Variants in CADM2 observed in about 807,000 individuals in gnomAD.
CADM2 encodes the protein immunoglobulin superfamily member 4D.
A neutral mutation model predicts 49.8 loss-of-function variants in CADM2; 12 were observed. That is an observed-to-expected ratio of 0.24 (90% CI 0.15 to 0.39). CADM2 has a LOEUF of 0.39. Among genes scored for constraint, CADM2 ranks in the 10% least tolerant of loss-of-function variants. CADM2 has a pLI of 1.00. For synonymous variants in CADM2, 214 were observed against 175.4 expected (o/e 1.22, Z -1.74); for missense variants, 378 against 492.3 (o/e 0.77, Z 2.20).
At chr3:85,171,240 A>G (rs530162743) in intron 1 of CADM2, among the ~76,000 whole-genome samples, 4 of 152,274 alleles carry the variant, frequency 2.6e-5, no homozygotes, top group Admixed American at 6.5e-5. Flanking sequence ...GGTGAGTTAC[A>G]CTCTAGATTT....
rs1037147981 is a variant in CADM2, at chr3:85,265,806, T to G, written c.61+306138T>G. Among the ~76,000 whole-genome samples, 8 of 152,118 alleles carry G rather than the reference T, an allele frequency of 5.3e-5. No homozygotes were observed. In the East Asian group the frequency reaches 1.5e-3, roughly 29 times the overall value. Reference sequence around the variant, plus strand: ...GTAATATGTAGAACACTTTAAAACTTTAAATGGGAAAAGTAATTCCTATTC... The same window carrying G: ...GTAATATGTAGAACACTTTAAAACTGTAAATGGGAAAAGTAATTCCTATTC... On this transcript the variant is annotated intron_variant, in intron 1 of 9. Coordinates refer to ENST00000383699, the MANE Select transcript of CADM2 (RefSeq NM_001167675.2).
chr3:85,288,784 G>GCTC (rs1188958298), intron 1 of CADM2, among the ~76,000 whole-genome samples: 1 of 88,200 alleles, frequency 1.1e-5, no homozygotes, highest in Non-Finnish European at 2.6e-5. Context: ...TTACCAATAT[G>GCTC]CCCCCCCCCC....
chr3:85,989,874 A>T (rs1728544934), intron 8 of CADM2, among the ~76,000 whole-genome samples: 1 of 151,484 alleles, frequency 6.6e-6, no homozygotes, highest in Non-Finnish European at 1.5e-5. Context: ...TTAACTGGGC[A>T]TGGTGGTGGG....
At chr3:85,112,302 G>A (rs148421823) in intron 1 of CADM2, among the ~76,000 whole-genome samples, 8 of 151,432 alleles carry the variant, frequency 5.3e-5, no homozygotes, top group African/African-American at 1.7e-4. Context: ...TGGTATATTT[G>A]TGAATAAAAT....
chr3:85,780,561 T>G (rs966362332), intron 2 of CADM2, among the ~76,000 whole-genome samples: 1 of 152,230 alleles, frequency 6.6e-6, no homozygotes, highest in Non-Finnish European at 1.5e-5. Flanking sequence ...ACGCTTAGTA[T>G]CTTCATTTGA....
chr3:85,665,283 T>C (rs907949871), intron 1 of CADM2, among the ~76,000 whole-genome samples: 3 of 151,942 alleles, frequency 2.0e-5, no homozygotes, highest in Non-Finnish European at 2.9e-5. Flanking sequence ...TTTATATTTA[T>C]GTAAGACGAA....
intron 7 of CADM2, among the ~76,000 whole-genome samples, chr3:85,957,655 T>C (rs916875926): frequency 6.6e-6 from 1 of 151,774 alleles, no homozygotes; most frequent in African/African-American, 2.4e-5. Context: ...CAAGATTGCC[T>C]CCCATTTCAG....
chr3:86,021,669 A>G (rs559810748), intron 8 of CADM2, among the ~76,000 whole-genome samples: 63 of 152,188 alleles, frequency 4.1e-4, no homozygotes, highest in Non-Finnish European at 6.2e-4. Context: ...AGGCTCATCC[A>G]TGTTGGAGCA....
intron 1 of CADM2, among the ~76,000 whole-genome samples, chr3:85,386,461 G>C (rs533481322): frequency 3.9e-5 from 6 of 152,262 alleles, no homozygotes; most frequent in African/African-American, 1.4e-4. Flanking sequence ...TGAGACCTCT[G>C]AGTGACCATT....
At chr3:85,406,751 C>G (rs572545612) in intron 1 of CADM2, among the ~76,000 whole-genome samples, 4 of 152,138 alleles carry the variant, frequency 2.6e-5, no homozygotes, top group Non-Finnish European at 5.9e-5. Context: ...AATTTCACCT[C>G]TTGAATATTG....
At chr3:85,186,098 A>C (rs1257918767) in intron 1 of CADM2, among the ~76,000 whole-genome samples, 1 of 152,150 alleles carries the variant, frequency 6.6e-6, no homozygotes, top group Non-Finnish European at 1.5e-5. Context: ...AGTTGCTGGA[A>C]ATTTAGATTG....
chr3:85,053,945 A>T (rs763533373), intron 1 of CADM2, among the ~76,000 whole-genome samples: 15 of 152,108 alleles, frequency 9.9e-5, no homozygotes, highest in Middle Eastern at 3.4e-3. Context: ...TGTAGTCCTC[A>T]TGATTGCAAA....
chr3:85,611,290 G>A (rs919334788), intron 1 of CADM2, among the ~76,000 whole-genome samples: 2 of 151,292 alleles, frequency 1.3e-5, no homozygotes, highest in Non-Finnish European at 3.0e-5. Context: ...TATCTCTGAT[G>A]ATGCTGGTGC....
At chr3:85,659,621 A>G (rs901569274) in intron 1 of CADM2, among the ~76,000 whole-genome samples, 1 of 152,154 alleles carries the variant, frequency 6.6e-6, no homozygotes, top group African/African-American at 2.4e-5. Context: ...CTCTCCATAA[A>G]TCCTTATGTA....
At position 85,693,778 on chromosome 3, in the gene CADM2, C is replaced by G. The variant is rs1455018584; in HGVS notation, c.62-32744C>G. 2.1e-5 allele frequency among the ~76,000 whole-genome samples: 3 copies of G among 145,808 alleles called. No homozygotes were observed. In the East Asian group the frequency reaches 6.0e-4, roughly 29 times the overall value. ...AGGTGTGGTGGTGCAAACCTATACT[C>G]CTAGCTACTCGGGAGGCTGAGGCAG... On this transcript the variant is annotated intron_variant, in intron 1 of 9. Coordinates refer to ENST00000383699, the MANE Select transcript of CADM2 (RefSeq NM_001167675.2).
At chr3:85,591,358 G>A (rs1360765621) in intron 1 of CADM2, among the ~76,000 whole-genome samples, 1 of 151,936 alleles carries the variant, frequency 6.6e-6, no homozygotes, top group African/African-American at 2.4e-5. Flanking sequence ...TATTATACTT[G>A]AGATGCTAAA....
intron 1 of CADM2, among the ~76,000 whole-genome samples, chr3:85,220,705 C>G (rs2042024773): frequency 6.6e-6 from 1 of 151,982 alleles, no homozygotes. Context: ...GGGGCACACC[C>G]TTGTGACTAT....
At chr3:85,958,129 G>A (rs1485543021) in intron 7 of CADM2, among the ~76,000 whole-genome samples, 1 of 151,958 alleles carries the variant, frequency 6.6e-6, no homozygotes, top group African/African-American at 2.4e-5. Flanking sequence ...ATCTGAAAGT[G>A]GGCAAAGGAT....
chr3:85,361,422 T>C (rs1045743227), intron 1 of CADM2, among the ~76,000 whole-genome samples: 1 of 152,184 alleles, frequency 6.6e-6, no homozygotes, highest in Admixed American at 6.5e-5. Flanking sequence ...CTTAGCCTAA[T>C]GGTCTCCAAA....
Sources: gnomAD v4.1 joint callset for allele counts (sites outside exome capture counted in the v4.1 genomes callset) on GRCh38, gnomAD v4.1.1 for gene constraint, MANE v1.5 for transcripts, NCBI Gene and HGNC (gene_info 2026-07-23, HGNC 2026-07-21) for gene names.